The following PAK1 variants were observed in gnomAD, a reference collection of about 807,000 sequenced individuals.
PAK1 encodes the protein serine/threonine-protein kinase PAK 1.
PAK1 carries 29 observed loss-of-function variants against 67.4 expected under a neutral mutation model. The ratio of observed to expected loss-of-function variants is 0.43; its 90% confidence interval spans 0.32 to 0.59. PAK1 has a LOEUF of 0.59. Ranked by LOEUF, PAK1 falls within the 20% of genes least tolerant of loss-of-function variation. PAK1 has a pLI of 0.07. For synonymous variants in PAK1, 223 were observed against 237.4 expected (o/e 0.94, Z 0.56); for missense variants, 337 against 670.7 (o/e 0.50, Z 5.50).
chr11:77,376,171 T>C (rs1201949926), intron 4 of PAK1, among the ~76,000 whole-genome samples: 2 of 152,202 alleles, frequency 1.3e-5, no homozygotes, highest in African/African-American at 4.8e-5. Context: ...GGTATTTTGG[T>C]AATAGGCATA....
chr11:77,461,521 C>T (rs189789135), intron 1 of PAK1, among the ~76,000 whole-genome samples: 127 of 152,170 alleles, frequency 8.3e-4, no homozygotes, highest in Middle Eastern at 3.4e-3. Flanking sequence ...ACAATAGTTT[C>T]GGGTAAATTA....
At chr11:77,487,560 A>G in the PAK1 span, among the ~76,000 whole-genome samples, 1 of 151,986 alleles carries the variant, frequency 6.6e-6, no homozygotes, top group Non-Finnish European at 1.5e-5. Flanking sequence ...CCCTGGGACC[A>G]GGGCCCTAAA....
chr11:77,376,075 T>C (rs899326057), intron 4 of PAK1, among the ~76,000 whole-genome samples: 1 of 152,222 alleles, frequency 6.6e-6, no homozygotes, highest in South Asian at 2.1e-4. Flanking sequence ...CAAAAGACTA[T>C]AGACTATCAA....
chr11:77,449,268 A>C lies in PAK1; in HGVS notation c.-22+24284T>G, dbSNP rs1036147786. ...CTCAAAAGGGAACACTAGCCCACAC[A>C]GAAACAGCTTAAAAAGAAAACTAAA... On this transcript the variant is annotated intron_variant, in intron 1 of 14. Transcript: ENST00000356341. Among the ~76,000 whole-genome samples, 3 of 152,236 alleles carry C rather than the reference A, an allele frequency of 2.0e-5. No individual in the cohort carries two copies. The East Asian group carries it at 5.8e-4, about 29-fold the overall frequency.
intron 1 of PAK1, among the ~76,000 whole-genome samples, chr11:77,394,437 GT>G (rs373056819): frequency 0.014 from 2,128 of 147,086 alleles, 18 homozygotes; most frequent in Non-Finnish European, 0.018. Flanking sequence ...ATCTATAGGA[GT>G]TTTTTTTTTT....
chr11:77,427,936 C>T (rs1955639026), intron 1 of PAK1, among the ~76,000 whole-genome samples: 1 of 152,092 alleles, frequency 6.6e-6, no homozygotes, highest in African/African-American at 2.4e-5. Flanking sequence ...CTAAGCCAGA[C>T]AGAGGAGAGG....
At chr11:77,381,135 CAG>C (rs1491212845) in intron 2 of PAK1, among the ~76,000 whole-genome samples, 18 of 136,038 alleles carry the variant, frequency 1.3e-4, no homozygotes, top group African/African-American at 5.3e-4. Context: ...TACCTCACCA[CAG>C]AGTGTGTGTG....
At chr11:77,477,362 A>G (rs765358322), upstream of PAK1, among the ~76,000 whole-genome samples, 1 of 152,132 alleles carries the variant, frequency 6.6e-6, no homozygotes, top group African/African-American at 2.4e-5. Flanking sequence ...CAAACTTCTA[A>G]ATAAAGACCA....
chr11:77,374,412 T>TA (rs1233561290), intron 4 of PAK1, 47 bp from the exon 5 acceptor site: 1 of 1,340,776 alleles, frequency 7.5e-7, no homozygotes, highest in Non-Finnish European at 1.1e-6. Context: ...CAGTTACAGT[T>TA]AAATTTTTCT....
chr11:77,496,211 G>T, the PAK1 span, among the ~76,000 whole-genome samples: 6 of 151,844 alleles, frequency 4.0e-5, no homozygotes, highest in African/African-American at 1.2e-4. Context: ...TAGAGACGGG[G>T]TTTCACTCTG....
the PAK1 span, among the ~76,000 whole-genome samples, chr11:77,496,346 T>C: frequency 6.6e-6 from 1 of 152,114 alleles, no homozygotes; most frequent in South Asian, 2.1e-4. Context: ...AAAAATAGGC[T>C]GGGCAAGGTG....
intron 1 of PAK1, among the ~76,000 whole-genome samples, chr11:77,427,030 C>T (rs12286371): frequency 0.042 from 6,327 of 152,166 alleles, 462 homozygotes; most frequent in African/African-American, 0.14. Context: ...GTAGTGGGAT[C>T]TAAAGAAATA....
At chr11:77,493,883 G>A in the PAK1 span, among the ~76,000 whole-genome samples, 1 of 152,150 alleles carries the variant, frequency 6.6e-6, no homozygotes, top group Non-Finnish European at 1.5e-5. Context: ...CTGACTGGAT[G>A]TTGAGTAAGC....
intron 1 of PAK1, among the ~76,000 whole-genome samples, chr11:77,415,345 ATG>A (rs1023432707): frequency 2.6e-5 from 4 of 152,202 alleles, no homozygotes; most frequent in African/African-American, 9.7e-5. Context: ...AAATACAGTT[ATG>A]TGTCACTTAA....
chr11:77,490,570 C>T, the PAK1 span, among the ~76,000 whole-genome samples: 2 of 151,938 alleles, frequency 1.3e-5, no homozygotes, highest in South Asian at 2.1e-4. Flanking sequence ...TCTGCCCGGC[C>T]GCCCCTACTG....
At chr11:77,489,420 C>G in the PAK1 span, among the ~76,000 whole-genome samples, 7 of 146,918 alleles carry the variant, frequency 4.8e-5, no homozygotes, top group Non-Finnish European at 1.1e-4. Context: ...CCTCTCTCCT[C>G]TCTCTCTCCC....
intron 7 of PAK1, 56 bp from the exon 8 acceptor site, chr11:77,353,655 G>C (rs1945591068): frequency 7.2e-7 from 1 of 1,394,136 alleles, no homozygotes; most frequent in Non-Finnish European, 1.0e-6. Flanking sequence ...ATACAAAAAA[G>C]GTTCCACATT....
At chr11:77,377,774 A>G (rs1949291811) in intron 4 of PAK1, among the ~76,000 whole-genome samples, 1 of 152,244 alleles carries the variant, frequency 6.6e-6, no homozygotes, top group East Asian at 1.9e-4. Context: ...TTTCAAAGAC[A>G]GCCTCTAACC....
intron 11 of PAK1, among the ~76,000 whole-genome samples, chr11:77,338,535 C>T (rs894981358): frequency 6.6e-6 from 1 of 152,124 alleles, no homozygotes; most frequent in African/African-American, 2.4e-5. Context: ...AGTACAGCTA[C>T]TACGGAAACA....
Sources: gnomAD v4.1 joint callset for allele counts (sites outside exome capture counted in the v4.1 genomes callset) on GRCh38, gnomAD v4.1.1 for gene constraint, MANE v1.5 for transcripts, NCBI Gene and HGNC (gene_info 2026-07-23, HGNC 2026-07-21) for gene names.